The following OSBP variants were observed in gnomAD, a reference collection of about 807,000 sequenced individuals.
The protein encoded by OSBP is oxysterol binding protein.
A neutral mutation model predicts 96.6 loss-of-function variants in OSBP; 32 were observed. The observed-to-expected ratio is 0.33, with a 90% CI of 0.25 to 0.45. OSBP has a LOEUF of 0.45. OSBP is among the 20% of genes least tolerant of loss of function. The pLI is 1.00. For missense variants in OSBP, 653 were observed against 1,029.7 expected (o/e 0.63, Z 5.01); for synonymous variants, 369 against 389.6 (o/e 0.95, Z 0.62).
In OSBP at chr11:59,585,577, C is replaced by T. The variant is rs375471277; in HGVS notation, c.1679-4023G>A. Among the ~76,000 whole-genome samples, 68 of 152,024 alleles carry T rather than the reference C, an allele frequency of 4.5e-4. 1 individual carries two copies. The East Asian group carries it at 0.012, about 27-fold the overall frequency. ...CAGCCCCCCGCCCGGCCAGCCGCCCCGTCCGGGAGGTGAGGGGCGCCTCTG... is the reference window on the plus strand; with the variant it reads ...CAGCCCCCCGCCCGGCCAGCCGCCCTGTCCGGGAGGTGAGGGGCGCCTCTG... On this transcript the variant is annotated intron_variant, in intron 9 of 13. Coordinates refer to ENST00000263847, the MANE Select transcript of OSBP (RefSeq NM_002556.3).
In OSBP at chr11:59,589,462, G is replaced by A. The variant is rs1270905236; in HGVS notation, c.1678+4142C>T. Among the ~76,000 whole-genome samples the A allele has an allele frequency of 8.6e-5, 13 of 151,876 alleles. No homozygotes were observed. In the South Asian group the frequency reaches 1.5e-3, roughly 17 times the overall value. On this transcript the variant is annotated intron_variant, in intron 9 of 13. Transcript: ENST00000263847. The stretch of plus-strand genomic sequence containing the variant: ...CTAAAAATATAAAAATTAGCTGGGT[G>A]TGGTGGCGGGCACCTGTAATCCCAC...
In OSBP at chr11:59,590,425, A is replaced by G. The variant is rs377319976; in HGVS notation, c.1678+3179T>C. ...GCCAGATTGCCTCAACTCAGATCACATACTAGCTGGTTAAGTTGACCCTGA... is the reference window on the plus strand; with the variant it reads ...GCCAGATTGCCTCAACTCAGATCACGTACTAGCTGGTTAAGTTGACCCTGA... On this transcript the variant is annotated intron_variant, in intron 9 of 13. Transcript: ENST00000263847. 1.4e-4 allele frequency among the ~76,000 whole-genome samples: 21 copies of G among 152,310 alleles called. No individual in the cohort carries two copies. In the South Asian group the frequency reaches 4.1e-3, roughly 30 times the overall value.
intron 1 of OSBP, among the ~76,000 whole-genome samples, chr11:59,614,494 G>A (rs968053659): frequency 6.6e-6 from 1 of 152,182 alleles, no homozygotes; most frequent in South Asian, 2.1e-4. Context: ...CAGGTTATGA[G>A]TCACCATAAA....
chr11:59,595,120 G>T (rs981483424), intron 7 of OSBP: 1 of 154,120 alleles, frequency 6.5e-6, no homozygotes, highest in South Asian at 2.1e-4. Context: ...GAGAAACATT[G>T]TTCATGCTCC....
chr11:59,582,528 T>C (rs891023097), intron 9 of OSBP, among the ~76,000 whole-genome samples: 1 of 152,180 alleles, frequency 6.6e-6, no homozygotes, highest in Non-Finnish European at 1.5e-5. Context: ...TGGCTGGCCC[T>C]GATTTGTACC....
At chr11:59,615,175 CGCA>C in intron 1 of OSBP, 125 bp downstream of exon 1, 1 of 716,014 alleles carries the variant, frequency 1.4e-6, no homozygotes, top group South Asian at 1.6e-5. Context: ...GCTGTCAATC[CGCA>C]CAGATGACGA....
intron 1 of OSBP, among the ~76,000 whole-genome samples, chr11:59,614,201 T>C (rs2134712636): frequency 6.6e-6 from 1 of 152,304 alleles, no homozygotes; most frequent in Middle Eastern, 3.4e-3. Flanking sequence ...CTAACCTGAG[T>C]TTTAGGTTAG....
At chr11:59,583,944 T>G (rs1305736270) in intron 9 of OSBP, among the ~76,000 whole-genome samples, 1 of 146,174 alleles carries the variant, frequency 6.8e-6, no homozygotes, top group African/African-American at 2.5e-5. Flanking sequence ...GATGGTGTTT[T>G]TTTTTTTTTT....
chr11:59,585,584 G>A (rs1015992133), intron 9 of OSBP, among the ~76,000 whole-genome samples: 54 of 152,068 alleles, frequency 3.6e-4, no homozygotes, highest in African/African-American at 1.3e-3. Context: ...CCCCGTCCGG[G>A]AGGTGAGGGG....
chr11:59,614,809 G>C (rs1273216429), intron 1 of OSBP, among the ~76,000 whole-genome samples: 3 of 152,208 alleles, frequency 2.0e-5, no homozygotes, highest in African/African-American at 7.2e-5. Flanking sequence ...GTCTGAATGT[G>C]AAGGGAGCAA....
chr11:59,599,167 T>G (rs1259074719), intron 7 of OSBP, among the ~76,000 whole-genome samples: 3 of 152,224 alleles, frequency 2.0e-5, no homozygotes, highest in African/African-American at 7.2e-5. Flanking sequence ...GGATAGCAAA[T>G]ATTTAGGCTT....
intron 2 of OSBP, among the ~76,000 whole-genome samples, chr11:59,609,274 C>T (rs1350851199): frequency 6.6e-6 from 1 of 152,032 alleles, no homozygotes; most frequent in Non-Finnish European, 1.5e-5. Context: ...ACAAAAAAGG[C>T]CATTAATTTG....
Position 59,594,167 on chromosome 11 carries a change from T to C in OSBP, c.1400A>G (p.Glu467Gly), listed in dbSNP as rs777682124. 5.0e-6 allele frequency: 8 copies of C among 1,614,060 alleles called. No individual in the cohort carries two copies. Among genetic ancestry groups the C allele is most frequent in the Non-Finnish European group, 6.8e-6 (8 of 1,180,034 alleles). ...HELLDRAAKC[E>G]NSLEQLCYVA... ...ATAACAGAGCTGTTCTAGAGAATTC[T>C]CACATTTTGCAGCTCGGTCTAACAG... The change falls in exon 8 of 14, where the codon GAG becomes GGG. Residue 467 changes from glutamate to glycine, a missense_variant. Physicochemically the swap from Glu to Gly is moderately conservative, Grantham distance 98 (BLOSUM62 -2). This residue lies in a region of OSBP where 308 missense variants were observed against 573.1 expected (regional missense o/e 0.54). Transcript: ENST00000263847.
intron 9 of OSBP, among the ~76,000 whole-genome samples, chr11:59,586,193 A>AAAAAAAAAAG: frequency 7.3e-6 from 1 of 137,910 alleles, no homozygotes; most frequent in Non-Finnish European, 1.6e-5. Context: ...AAAAAAAAAG[A>AAAAAAAAAAG]AAAAAAAAAG....
chr11:59,601,575 C>A, intron 4 of OSBP, 65 bp downstream of exon 4: 1 of 1,447,868 alleles, frequency 6.9e-7, no homozygotes, highest in South Asian at 1.1e-5. Flanking sequence ...TGGAGTTCTC[C>A]TATCAACTGC....
intron 1 of OSBP, among the ~76,000 whole-genome samples, chr11:59,613,512 C>A (rs1420351433): frequency 6.6e-6 from 1 of 152,110 alleles, no homozygotes; most frequent in African/African-American, 2.4e-5. Context: ...AGGTGATATA[C>A]AATTTTTGAA....
chr11:59,577,265 A>G (rs558815336), intron 12 of OSBP, among the ~76,000 whole-genome samples: 1 of 152,320 alleles, frequency 6.6e-6, no homozygotes, highest in East Asian at 1.9e-4. Flanking sequence ...TGTGGTGCCC[A>G]GCTGAAATTA....
chr11:59,584,992 C>A (rs1007434281), intron 9 of OSBP, among the ~76,000 whole-genome samples: 18 of 152,194 alleles, frequency 1.2e-4, no homozygotes, highest in African/African-American at 4.3e-4. Flanking sequence ...GCTACAACCT[C>A]CACCTCCCAG....
At chr11:59,577,535 T>C (rs905342112) in intron 12 of OSBP, among the ~76,000 whole-genome samples, 1 of 152,190 alleles carries the variant, frequency 6.6e-6, no homozygotes, top group Non-Finnish European at 1.5e-5. Context: ...CTCTGTCGCC[T>C]AGGCTGGAGT....
Sources: gnomAD v4.1 joint callset for allele counts (sites outside exome capture counted in the v4.1 genomes callset) on GRCh38, gnomAD v4.1.1 for gene constraint, gnomAD v4.1.1 regional missense constraint, MANE v1.5 for transcripts, NCBI Gene and HGNC (gene_info 2026-07-23, HGNC 2026-07-21) for gene names.